MRM1: variants seen among roughly 807,000 people sequenced by gnomAD.
MRM1 encodes the protein rRNA methyltransferase 1, mitochondrial.
Under a neutral mutation model 25.0 loss-of-function variants are expected in MRM1, and 24 were observed. That is an observed-to-expected ratio of 0.96 (90% CI 0.69 to 1.35). The LOEUF is 1.35. MRM1 is among the 40% of genes most tolerant of loss of function. The pLI is 0.00. For missense variants in MRM1, 431 were observed against 464.1 expected (o/e 0.93, Z 0.65); for synonymous variants, 188 against 199.2 (o/e 0.94, Z 0.47).
the MRM1 span, among the ~76,000 whole-genome samples, chr17:36,627,800 A>G: frequency 6.7e-6 from 1 of 149,314 alleles, no homozygotes; most frequent in East Asian, 2.0e-4. Context: ...CAGCCTCCCG[A>G]GTAGCTGGGA....
the MRM1 span, among the ~76,000 whole-genome samples, chr17:36,619,266 C>T: frequency 6.6e-6 from 1 of 152,250 alleles, no homozygotes; most frequent in East Asian, 1.9e-4. Context: ...CTGTGTACAC[C>T]ACATTTTGTT....
chr17:36,617,487 G>C, the MRM1 span, among the ~76,000 whole-genome samples: 1 of 149,488 alleles, frequency 6.7e-6, no homozygotes, highest in Admixed American at 6.7e-5. Flanking sequence ...CCGCCTCCCA[G>C]GTTCAAGTGA....
At chr17:36,609,383 C>T (rs1326275929), downstream of MRM1, among the ~76,000 whole-genome samples, 1 of 152,224 alleles carries the variant, frequency 6.6e-6, no homozygotes, top group Non-Finnish European at 1.5e-5. Context: ...CTTTCGAAAG[C>T]GCCACCATTG....
In MRM1 at chr17:36,602,122, G is replaced by A. The variant is rs1210051338; in HGVS notation, c.312G>A (p.Arg104=). The A allele has an allele frequency of 6.2e-6, 10 of 1,612,292 alleles. No homozygotes were observed. Among genetic ancestry groups the A allele is most frequent in the Non-Finnish European group, 8.5e-6 (10 of 1,179,818 alleles). The stretch of plus-strand genomic sequence containing the variant: ...ACATTCCAGTTCTGCGGCCCAGACG[G>A]CAGAAACTGGACACAATGTGCCGCT... ...ARDIPVLRPR[R]QKLDTMCRYQ... The change falls in exon 1 of 5, where the codon CGG becomes CGA. Residue 104 remains arginine (R), a synonymous_variant. Transcript: ENST00000614766. The surrounding 1 kb of genome is among the most constrained non-coding windows in gnomAD (Gnocchi z 4.1).
the MRM1 span, among the ~76,000 whole-genome samples, chr17:36,615,909 C>G: frequency 1.3e-5 from 2 of 152,088 alleles, no homozygotes; most frequent in African/African-American, 4.8e-5. Flanking sequence ...AGGAGAATCA[C>G]TTGAACCTGG....
chr17:36,632,604 C>CT, the MRM1 span, among the ~76,000 whole-genome samples: 2 of 152,078 alleles, frequency 1.3e-5, no homozygotes, highest in Non-Finnish European at 2.9e-5. Flanking sequence ...TTGTGCTCCC[C>CT]CCCACTGCCA....
the MRM1 span, among the ~76,000 whole-genome samples, chr17:36,625,377 C>T: frequency 3.3e-5 from 5 of 151,712 alleles, no homozygotes; most frequent in African/African-American, 1.2e-4. Context: ...TTTTCTTCTT[C>T]CTCTTCGCTC....
chr17:36,621,638 A>C, the MRM1 span, among the ~76,000 whole-genome samples: 1 of 152,096 alleles, frequency 6.6e-6, no homozygotes, highest in African/African-American at 2.4e-5. Flanking sequence ...TTTTCTTCCA[A>C]ATTTGCTGTG....
In MRM1 at chr17:36,608,667, A is replaced by T. The variant is rs2074953764; in HGVS notation, c.*252A>T. On this transcript the variant is annotated 3_prime_UTR_variant, in exon 5 of 5. Coordinates refer to ENST00000614766, the MANE Select transcript of MRM1 (RefSeq NM_024864.5). The stretch of plus-strand genomic sequence containing the variant: ...AGCCATGATGGCCTAGCATGGAGGG[A>T]ATCTGTTCCCAGGCCCTGCCTGGAA... 1.3e-5 allele frequency: 5 copies of T among 396,790 alleles called. No individual in the cohort carries two copies. Among genetic ancestry groups the T allele is most frequent in the Non-Finnish European group, 1.8e-5 (4 of 225,204 alleles). 24.6% of individuals were successfully genotyped at this position (396,790 alleles called of 1,614,324 possible). A position where few individuals can be genotyped will look rare whatever the true frequency, so the allele number is the denominator to read the frequency against.
the MRM1 span, among the ~76,000 whole-genome samples, chr17:36,620,781 G>A: frequency 1.3e-5 from 2 of 152,198 alleles, no homozygotes; most frequent in African/African-American, 2.4e-5. Flanking sequence ...AAGCCTAGCT[G>A]TGCAGGAGAT....
intron 2 of MRM1, among the ~76,000 whole-genome samples, chr17:36,606,899 C>T (rs1296210298): frequency 2.9e-5 from 4 of 136,832 alleles, no homozygotes; most frequent in Non-Finnish European, 6.1e-5. Flanking sequence ...GCGTGAGCTA[C>T]TGCGCCTGGT....
At chr17:36,628,624 C>T in the MRM1 span, among the ~76,000 whole-genome samples, 1 of 152,044 alleles carries the variant, frequency 6.6e-6, no homozygotes, top group Non-Finnish European at 1.5e-5. Context: ...CAGAAGCGGA[C>T]CCCCAGAGAG....
In MRM1 at chr17:36,601,822, C is replaced by A. The variant is rs755235639; in HGVS notation, c.12C>A (p.Leu4=). The change falls in exon 1 of 5, where the codon CTC becomes CTA. Residue 4 remains leucine (L), a synonymous_variant. Coordinates refer to ENST00000614766, the MANE Select transcript of MRM1 (RefSeq NM_024864.5). ...GCGGGAGCTGCGCCATGGCATTGCT[C>A]TCGACCGTCCGGGGCGCGACCTGGG... MAL[L]STVRGATWGR... 11 of 1,567,566 alleles carry A rather than the reference C, an allele frequency of 7.0e-6. No homozygotes were observed. The highest frequency in any genetic ancestry group is 9.5e-6 in the Non-Finnish European group (11 of 1,158,974).
the MRM1 span, among the ~76,000 whole-genome samples, chr17:36,627,362 C>A: frequency 6.6e-6 from 1 of 152,226 alleles, no homozygotes; most frequent in Non-Finnish European, 1.5e-5. Context: ...GTTGACCTCA[C>A]TTAGGATGAT....
Position 36,602,726 on chromosome 17 carries a change from G to A in MRM1, c.636+80G>A. The A allele has an allele frequency of 6.6e-7, 1 of 1,503,972 alleles. No homozygotes were observed. The highest frequency in any genetic ancestry group is 9.2e-7 in the Non-Finnish European group (1 of 1,084,070). The allele number at this position is 1,503,972 out of a possible 1,614,324, so 93.2% of individuals were successfully genotyped here. A position where few individuals can be genotyped will look rare whatever the true frequency, so the allele number is the denominator to read the frequency against. ...AGGGGACGAAGCTAGCCCCTGGCGA[G>A]GGAGAGAAAGGGGCATGTTGGCACC... On this transcript the variant is annotated intron_variant, in intron 2 of 4. Coordinates refer to ENST00000614766, the MANE Select transcript of MRM1 (RefSeq NM_024864.5). The surrounding 1 kb of genome is among the most constrained non-coding windows in gnomAD (Gnocchi z 4.1).
At chr17:36,633,042 G>A in the MRM1 span, among the ~76,000 whole-genome samples, 943 of 152,346 alleles carry the variant, frequency 6.2e-3, 10 homozygotes, top group African/African-American at 0.021. Flanking sequence ...GAAAAGAGTA[G>A]GAGGCTGAAT....
chr17:36,608,095 G>T, intron 4 of MRM1, 77 bp downstream of exon 4: 1 of 1,563,872 alleles, frequency 6.4e-7, no homozygotes. Flanking sequence ...AATCCCATTT[G>T]CTGGCTGTTT....
the MRM1 span, among the ~76,000 whole-genome samples, chr17:36,629,734 G>GA: frequency 1.3e-5 from 2 of 151,518 alleles, no homozygotes; most frequent in Non-Finnish European, 2.9e-5. Flanking sequence ...GGGGTGGGGG[G>GA]GGGCACATCA....
chr17:36,602,692 G>A lies in MRM1; in HGVS notation c.636+46G>A. 6.2e-7 allele frequency: 1 copy of A among 1,602,994 alleles called. No homozygotes were observed. The highest frequency in any genetic ancestry group is 8.5e-7 in the Non-Finnish European group (1 of 1,169,904). On this transcript the variant is annotated intron_variant, in intron 2 of 4. Coordinates refer to ENST00000614766, the MANE Select transcript of MRM1 (RefSeq NM_024864.5). This position sits in a 1 kb window ranked among gnomAD's most constrained non-coding sequence, Gnocchi z 4.1. ...AAGGAACAGATGTGAGCCCAGCTCA[G>A]CCTCTTCAAGGGGACGAAGCTAGCC... is the stretch of plus-strand genomic sequence containing the variant.
Sources: allele counts gnomAD v4.1 joint callset (sites outside exome capture counted in the v4.1 genomes callset), GRCh38; gene constraint gnomAD v4.1.1; non-coding constraint Gnocchi (gnomAD v3.1); transcripts MANE v1.5; gene names NCBI Gene and HGNC (gene_info 2026-07-23, HGNC 2026-07-21).